Variants in FBXO24 observed in about 807,000 individuals in gnomAD.
The protein encoded by FBXO24 is F-box only protein 24.
A neutral mutation model predicts 63.5 loss-of-function variants in FBXO24; 30 were observed. That is an observed-to-expected ratio of 0.47 (90% CI 0.35 to 0.64). The LOEUF (loss-of-function observed/expected upper bound fraction) is 0.64. FBXO24 is among the 30% of genes least tolerant of loss of function. The pLI is 0.00. For missense variants in FBXO24, 624 were observed against 763.4 expected (o/e 0.82, Z 2.15); for synonymous variants, 300 against 305.0 (o/e 0.98, Z 0.17).
chr7:100,590,340 G>C lies in FBXO24; in HGVS notation c.305G>C (p.Arg102Thr), dbSNP rs773324205. Reference sequence around the variant, plus strand: ...GGTTCTGGAGTCCGGCCCTGGAAGAGAGCTGCCATTCTGAACTGTACACCT... The same window carrying C: ...GGTTCTGGAGTCCGGCCCTGGAAGACAGCTGCCATTCTGAACTGTACACCT... Reference protein sequence around the residue: ...DQGSGVRPWKRAAILNYTKGL... With the variant: ...DQGSGVRPWKTAAILNYTKGL... Residue 102 changes from arginine to threonine, a missense_variant, in exon 3 of 10, where the codon AGA becomes ACA. Physicochemically the swap from Arg to Thr is moderately conservative, Grantham distance 71. Around this residue, in one of 3 missense-constraint regions of FBXO24, gnomAD observed 391 missense variants for 469.1 expected, o/e 0.83. Coordinates refer to ENST00000241071, the MANE Select transcript of FBXO24 (RefSeq NM_033506.3). 3.1e-6 allele frequency: 5 copies of C among 1,613,478 alleles called. No individual in the cohort carries two copies. Among genetic ancestry groups the C allele is most frequent in the Non-Finnish European group, 4.2e-6 (5 of 1,179,688 alleles).
rs780012314 is a variant in FBXO24, at chr7:100,600,488, A to C, written c.1378-46A>C. The C allele has an allele frequency of 2.0e-6, 3 of 1,521,372 alleles. No individual in the cohort carries two copies. The highest frequency in any genetic ancestry group is 2.6e-6 in the Non-Finnish European group (3 of 1,135,978). 94.2% of individuals were successfully genotyped at this position (1,521,372 alleles called of 1,614,324 possible). A position where few individuals can be genotyped will look rare whatever the true frequency, so the allele number is the denominator to read the frequency against. ...GCCCGGGCACCCTGGGAAACCCTGC[A>C]AGGAAAGCACCACTCAGCCATGCCC... On this transcript the variant is annotated intron_variant, in intron 9 of 9. Coordinates refer to ENST00000241071, the MANE Select transcript of FBXO24 (RefSeq NM_033506.3). This position sits in a 1 kb window ranked among gnomAD's most constrained non-coding sequence, Gnocchi z 6.3.
intron 8 of FBXO24, among the ~76,000 whole-genome samples, chr7:100,596,935 G>A (rs1241270962): frequency 3.3e-5 from 5 of 152,006 alleles, no homozygotes; most frequent in Non-Finnish European, 7.4e-5. Context: ...CCAGCTACTC[G>A]GGAGTCTGAG....
rs1219337676 is a variant in FBXO24, at chr7:100,600,415, A to G, written c.1378-119A>G. On this transcript the variant is annotated intron_variant, in intron 9 of 9. Transcript: ENST00000241071. This position sits in a 1 kb window ranked among gnomAD's most constrained non-coding sequence, Gnocchi z 6.3. ...CCAACCTCACACACCCCTGGGACTTAGCCGGCTCAGGGCTGGTGTGAGAGG... is the reference window on the plus strand; with the variant it reads ...CCAACCTCACACACCCCTGGGACTTGGCCGGCTCAGGGCTGGTGTGAGAGG... The G allele has an allele frequency of 1.3e-6, 2 of 1,497,348 alleles. No homozygotes were observed. The highest frequency in any genetic ancestry group is 1.8e-6 in the Non-Finnish European group (2 of 1,117,652). The allele number at this position is 1,497,348 out of a possible 1,614,324, so 92.8% of individuals were successfully genotyped here. A position where few individuals can be genotyped will look rare whatever the true frequency, so the allele number is the denominator to read the frequency against.
intron 6 of FBXO24, 37 bp from the exon 7 acceptor site, chr7:100,595,065 C>A: frequency 1.2e-6 from 2 of 1,611,956 alleles, no homozygotes; most frequent in African/African-American, 2.7e-5. Flanking sequence ...GAAATGGGTG[C>A]CCAAAGCTGC....
At chr7:100,591,571 T>C in intron 3 of FBXO24, 96 bp from the exon 4 acceptor site, 2 of 1,149,492 alleles carry the variant, frequency 1.7e-6, no homozygotes, top group Non-Finnish European at 2.6e-6. Context: ...GGGGAGGAAC[T>C]ACAAACCAGC....
chr7:100,595,480 G>T, intron 7 of FBXO24, 95 bp from the exon 8 acceptor site: 1 of 1,414,232 alleles, frequency 7.1e-7, no homozygotes, highest in South Asian at 1.4e-5. Context: ...AAAGAGATCA[G>T]CTGGGGATGG....
chr7:100,589,877 C>T, intron 1 of FBXO24, 100 bp from the exon 2 acceptor site: 1 of 1,550,406 alleles, frequency 6.4e-7, no homozygotes, highest in East Asian at 2.3e-5. Flanking sequence ...GAGGAAATAA[C>T]TGTGCCCAGC....
At chr7:100,588,288 TG>T (rs1562814170) in intron 1 of FBXO24, among the ~76,000 whole-genome samples, 1 of 152,188 alleles carries the variant, frequency 6.6e-6, no homozygotes, top group Non-Finnish European at 1.5e-5. Context: ...TCTGTCTACT[TG>T]GAGATCTTCC....
In FBXO24 at chr7:100,592,853, A is replaced by ACCACTCG. The variant is rs1440210479; in HGVS notation, c.629_630insCCACTCG (p.Gln210HisfsTer15). The ACCACTCG allele has an allele frequency of 6.2e-7, 1 of 1,614,200 alleles. No homozygotes were observed. Among genetic ancestry groups the ACCACTCG allele is most frequent in the Admixed American group, 1.7e-5 (1 of 60,020 alleles). ...TACGTCTTGGCCACTCGGGAGCCGC[A>ACCACTCG]GGAAGTGGTGGGTACCACCAGCAGC... is the stretch of plus-strand genomic sequence containing the variant. On this transcript the variant is annotated frameshift_variant, in exon 5 of 10. Coordinates refer to ENST00000241071, the MANE Select transcript of FBXO24 (RefSeq NM_033506.3). LOFTEE classifies it high-confidence loss of function.
At chr7:100,599,203 A>G (rs1404042447) in intron 8 of FBXO24, among the ~76,000 whole-genome samples, 1 of 152,076 alleles carries the variant, frequency 6.6e-6, no homozygotes, top group Non-Finnish European at 1.5e-5. Flanking sequence ...GCAGTGAGCT[A>G]TGATTGCACC....
At chr7:100,596,320 C>T (rs1454146634) in intron 8 of FBXO24, among the ~76,000 whole-genome samples, 3 of 152,096 alleles carry the variant, frequency 2.0e-5, no homozygotes, top group African/African-American at 7.2e-5. Context: ...TCGTGGGTTA[C>T]ATAAGACTTA....
At chr7:100,597,739 C>T (rs1176080446) in intron 8 of FBXO24, among the ~76,000 whole-genome samples, 1 of 151,570 alleles carries the variant, frequency 6.6e-6, no homozygotes, top group Non-Finnish European at 1.5e-5. Context: ...GTCTCCACTG[C>T]TTCCCAAGCT....
At position 100,586,810 on chromosome 7, in the gene FBXO24, C is replaced by T. The variant is rs376341218; in HGVS notation, c.39+146C>T. On this transcript the variant is annotated intron_variant, in intron 1 of 9. Transcript: ENST00000241071. Reference sequence around the variant, plus strand: ...CCAGGGCTTGAGGGGATTCGGGCGACTGCTTGAGGCCAGTGCACTGGCGGT... The same window carrying T: ...CCAGGGCTTGAGGGGATTCGGGCGATTGCTTGAGGCCAGTGCACTGGCGGT... 126 of 785,388 alleles carry T rather than the reference C, an allele frequency of 1.6e-4. 1 individual carries two copies. In the East Asian group the frequency reaches 2.1e-3, roughly 13 times the overall value. The allele number at this position is 785,388 out of a possible 1,614,324, so 48.7% of individuals were successfully genotyped here.
Position 100,590,207 on chromosome 7 carries a change from G to A in FBXO24, c.172G>A (p.Asp58Asn). ...EHIISFLPVRDLVALGQTCRY... is the reference protein window; with the variant it reads ...EHIISFLPVRNLVALGQTCRY... ...TATCATCTCATTCCTCCCAGTCAGA[G>A]ACCTTGTTGCCCTCGGCCAGACCTG... The change falls in exon 3 of 10, where the codon GAC (aspartate) becomes AAC (asparagine). Residue 58 changes from aspartate (D) to asparagine (N), a missense_variant. This residue lies in a region of FBXO24 where 391 missense variants were observed against 469.1 expected (regional missense o/e 0.83). Coordinates refer to ENST00000241071, the MANE Select transcript of FBXO24 (RefSeq NM_033506.3). The A allele has an allele frequency of 6.2e-7, 1 of 1,614,056 alleles. No individual in the cohort carries two copies. The highest frequency in any genetic ancestry group is 8.5e-7 in the Non-Finnish European group (1 of 1,179,982).
Position 100,586,444 on chromosome 7 carries a change from C to T in FBXO24, c.-182C>T, listed in dbSNP as rs1801755754. The T allele has an allele frequency of 1.5e-6, 1 of 675,046 alleles. No individual in the cohort carries two copies. The allele number at this position is 675,046 out of a possible 1,614,324, so 41.8% of individuals were successfully genotyped here. Reference sequence around the variant, plus strand: ...AGGTCCAACCAAGAGGAGGGGACACCGGCACTCCACTAGCAGGAAAACGGG... The same window carrying T: ...AGGTCCAACCAAGAGGAGGGGACACTGGCACTCCACTAGCAGGAAAACGGG... On this transcript the variant is annotated 5_prime_UTR_variant, in exon 1 of 10. Transcript: ENST00000241071.
rs1269919128 is a variant in FBXO24, at chr7:100,586,455, T to G, written c.-171T>G. On this transcript the variant is annotated 5_prime_UTR_variant, in exon 1 of 10. Transcript: ENST00000241071. ...AGAGGAGGGGACACCGGCACTCCAC[T>G]AGCAGGAAAACGGGCCGAGGGACCG... 1 of 706,176 alleles carries G rather than the reference T, an allele frequency of 1.4e-6. No individual in the cohort carries two copies. The highest frequency in any genetic ancestry group is 2.7e-5 in the East Asian group (1 of 37,082). 43.7% of individuals were successfully genotyped at this position (706,176 alleles called of 1,614,324 possible).
rs1398302478 is a variant in FBXO24 at position 100,600,919 on chromosome 7, G to C, written c.*20G>C. 6.2e-7 allele frequency: 1 copy of C among 1,601,742 alleles called. No homozygotes were observed. The highest frequency in any genetic ancestry group is 2.2e-5 in the East Asian group (1 of 44,770). On this transcript the variant is annotated 3_prime_UTR_variant, in exon 10 of 10. Coordinates refer to ENST00000241071, the MANE Select transcript of FBXO24 (RefSeq NM_033506.3). This position sits in a 1 kb window ranked among gnomAD's most constrained non-coding sequence, Gnocchi z 6.3. ...ACCTAATCCCCCTCATGCTAGCCTA[G>C]TCCCTGGAGGAGGGAGTCCGGCCCC...
In FBXO24 at chr7:100,595,178, C is replaced by T; in HGVS notation, c.1029C>T (p.Asp343=). The change falls in exon 7 of 10, where the codon GAC becomes GAT. Residue 343 remains aspartate (D), a synonymous_variant. Transcript: ENST00000241071. ...TCTTTGGGACCCTTCAAGCCTTTGA[C>T]CCCCTGGACCAGCAGATGCCGCTTG... ...RDLFGTLQAF[D]PLDQQMPLAL... The T allele has an allele frequency of 1.9e-6, 3 of 1,614,114 alleles. No individual in the cohort carries two copies. The highest frequency in any genetic ancestry group is 2.5e-6 in the Non-Finnish European group (3 of 1,180,002).
At chr7:100,591,945 G>A in intron 4 of FBXO24, 43 bp downstream of exon 4, 1 of 1,592,604 alleles carries the variant, frequency 6.3e-7, no homozygotes, top group Non-Finnish European at 8.6e-7. Context: ...ACCTGTATTA[G>A]TCCATTTTCA....
Sources: allele counts gnomAD v4.1 joint callset (sites outside exome capture counted in the v4.1 genomes callset), GRCh38; gene constraint gnomAD v4.1.1; regional missense constraint gnomAD v4.1.1; non-coding constraint Gnocchi (gnomAD v3.1); transcripts MANE v1.5; gene names NCBI Gene and HGNC (gene_info 2026-07-23, HGNC 2026-07-21).